The following ATP8A1 variants were observed in gnomAD, a reference collection of about 807,000 sequenced individuals.
ATP8A1 encodes ATPase phospholipid transporting 8A1, also known as phospholipid-transporting ATPase IA.
Under a neutral mutation model 177.7 loss-of-function variants are expected in ATP8A1, and 90 were observed. That is an observed-to-expected ratio of 0.51 (90% CI 0.43 to 0.60). The LOEUF is 0.60. ATP8A1 is among the 20% of genes least tolerant of loss of function. The pLI is 0.00. For missense variants in ATP8A1, 1,072 were observed against 1,392.8 expected (o/e 0.77, Z 3.67); for synonymous variants, 493 against 485.9 (o/e 1.01, Z -0.19).
intron 4 of ATP8A1, among the ~76,000 whole-genome samples, chr4:42,619,435 C>T (rs1272833572): frequency 6.6e-6 from 1 of 152,008 alleles, no homozygotes; most frequent in Non-Finnish European, 1.5e-5. Flanking sequence ...GAGAGTTCTC[C>T]ATCAATTTTA....
intron 14 of ATP8A1, 68 bp from the exon 15 acceptor site, chr4:42,569,273 C>T (rs550032855): frequency 7.8e-7 from 1 of 1,280,392 alleles, no homozygotes; most frequent in African/African-American, 1.5e-5. Context: ...AAACATAAAA[C>T]CACGAAGAAG....
chr4:42,591,058 G>A (rs1392176197), intron 6 of ATP8A1, among the ~76,000 whole-genome samples, 174 bp from the exon 7 acceptor site: 2 of 152,034 alleles, frequency 1.3e-5, no homozygotes, highest in African/African-American at 4.8e-5. Context: ...GATCAGGTCT[G>A]AAGGCATAAG....
At chr4:42,630,808 G>A (rs190083033) in intron 1 of ATP8A1, among the ~76,000 whole-genome samples, 1 of 152,206 alleles carries the variant, frequency 6.6e-6, no homozygotes, top group African/African-American at 2.4e-5. Context: ...AACAGTATTT[G>A]GTAAATGGCA....
chr4:42,648,327 G>A (rs1740749447), intron 1 of ATP8A1, among the ~76,000 whole-genome samples: 1 of 151,774 alleles, frequency 6.6e-6, no homozygotes, highest in Non-Finnish European at 1.5e-5. Context: ...TTGATACCAG[G>A]GGCTAAAAGG....
intron 1 of ATP8A1, among the ~76,000 whole-genome samples, chr4:42,656,570 T>C (rs1013410529): frequency 1.3e-5 from 2 of 152,014 alleles, no homozygotes; most frequent in African/African-American, 4.8e-5. Context: ...TGGGACCTAA[T>C]GGTCACACTG....
intron 22 of ATP8A1, among the ~76,000 whole-genome samples, chr4:42,514,071 A>G (rs1032422682): frequency 6.6e-6 from 1 of 152,190 alleles, no homozygotes; most frequent in Non-Finnish European, 1.5e-5. Context: ...ACTAAGACTA[A>G]GAGCATTAAG....
At chr4:42,616,208 G>GTATACT in intron 4 of ATP8A1, 130 bp from the exon 5 acceptor site, 1 of 764,644 alleles carries the variant, frequency 1.3e-6, no homozygotes, top group Non-Finnish European at 2.1e-6. Flanking sequence ...TCATGTCAAT[G>GTATACT]TTAAAGTATA....
At chr4:42,633,971 G>A (rs1297365061) in intron 1 of ATP8A1, among the ~76,000 whole-genome samples, 1 of 152,188 alleles carries the variant, frequency 6.6e-6, no homozygotes, top group African/African-American at 2.4e-5. Flanking sequence ...GAACATGAGG[G>A]CCACTAACAG....
In ATP8A1 at chr4:42,543,937, G is replaced by A. The variant is rs1422947869; in HGVS notation, c.1702C>T (p.Arg568Ter). The A allele has an allele frequency of 2.5e-6, 4 of 1,612,268 alleles. No homozygotes were observed. The highest frequency in any genetic ancestry group is 3.4e-6 in the Non-Finnish European group (4 of 1,179,198). Residue 568 changes from arginine to a stop codon, truncating the protein, a stop_gained, in exon 20 of 37, where the codon CGA becomes TGA. Transcript: ENST00000381668. LOFTEE classifies it high-confidence loss of function. ...VIVRTPSGKL[R>*]LYCKGADTVI... The stretch of plus-strand genomic sequence containing the variant: ...CTTACAGCTCCTTTGCAGTAGAGTC[G>A]TAACTTTCCAGATGGAGTGCGAACA...
At chr4:42,544,948 T>C (rs1469954722) in intron 19 of ATP8A1, among the ~76,000 whole-genome samples, 1 of 151,914 alleles carries the variant, frequency 6.6e-6, no homozygotes, top group Non-Finnish European at 1.5e-5. Context: ...GATCACAAGG[T>C]CAGGAGTTCG....
intron 1 of ATP8A1, among the ~76,000 whole-genome samples, chr4:42,655,199 TTAC>T (rs1206393076): frequency 1.3e-5 from 2 of 152,222 alleles, no homozygotes; most frequent in African/African-American, 4.8e-5. Context: ...CTTGGGCAAA[TTAC>T]TAAACCATAT....
chr4:42,413,837 ATTGT>A (rs1712910734), intron 36 of ATP8A1, among the ~76,000 whole-genome samples: 1 of 152,220 alleles, frequency 6.6e-6, no homozygotes, highest in Non-Finnish European at 1.5e-5. Flanking sequence ...ATAGACAATT[ATTGT>A]TTGTCAATTT....
rs542796451 is a variant in ATP8A1 at position 42,594,181 on chromosome 4, G to T, written c.451-3297C>A. The T allele has an allele frequency of 8.3e-6, 5 of 605,310 alleles. No homozygotes were observed. In the East Asian group the frequency reaches 1.3e-4, roughly 16 times the overall value. 37.5% of individuals were successfully genotyped at this position (605,310 alleles called of 1,614,324 possible). A position where few individuals can be genotyped will look rare whatever the true frequency, so the allele number is the denominator to read the frequency against. ...ATGTTTAAATAAAAATTATTAGAGA[G>T]GTTTTAAATTCTTCGTTTATTCCTT... On this transcript the variant is annotated intron_variant, in intron 6 of 36. Coordinates refer to ENST00000381668, the MANE Select transcript of ATP8A1 (RefSeq NM_006095.2).
chr4:42,543,018 T>C (rs1728565581), intron 20 of ATP8A1, among the ~76,000 whole-genome samples: 1 of 152,104 alleles, frequency 6.6e-6, no homozygotes, highest in Non-Finnish European at 1.5e-5. Context: ...TGAAAAAATG[T>C]TAGGTGTTTT....
intron 29 of ATP8A1, among the ~76,000 whole-genome samples, chr4:42,454,798 G>A (rs1402973274): frequency 6.6e-6 from 1 of 152,128 alleles, no homozygotes; most frequent in Non-Finnish European, 1.5e-5. Context: ...CCCAGAGACT[G>A]TAATTTTAAT....
chr4:42,655,084 C>G (rs1171318803), intron 1 of ATP8A1, among the ~76,000 whole-genome samples: 1 of 152,204 alleles, frequency 6.6e-6, no homozygotes, highest in Non-Finnish European at 1.5e-5. Context: ...CACTATGGCC[C>G]TGACACTGTG....
chr4:42,444,595 T>C lies in ATP8A1; in HGVS notation c.2998A>G (p.Thr1000Ala). The change falls in exon 32 of 37, where the codon ACA becomes GCA. Residue 1000 changes from threonine to alanine, a missense_variant. Thr to Ala is a moderately conservative substitution (Grantham distance 58). Coordinates refer to ENST00000381668, the MANE Select transcript of ATP8A1 (RefSeq NM_006095.2). ...TTTCTTACCCATGTCCAATATGATGTCTCCAATCCAGCTTTCAAACACACA... is the reference window on the plus strand; with the variant it reads ...TTTCTTACCCATGTCCAATATGATGCCTCCAATCCAGCTTTCAAACACACA... Reference protein sequence around the residue: ...ITVCLKAGLETSYWTWFSHIA... With the variant: ...ITVCLKAGLEASYWTWFSHIA... 6.2e-7 allele frequency: 1 copy of C among 1,613,938 alleles called. No individual in the cohort carries two copies. Among genetic ancestry groups the C allele is most frequent in the Non-Finnish European group, 8.5e-7 (1 of 1,179,920 alleles).
chr4:42,547,808 C>G lies in ATP8A1; in HGVS notation c.1652+1205G>C, dbSNP rs540405922. ...GGCATATGGTCACTCCTAATCAAGA[C>G]AGCAACAAAAGTTGGCACAGAAAGA... On this transcript the variant is annotated intron_variant, in intron 19 of 36. Coordinates refer to ENST00000381668, the MANE Select transcript of ATP8A1 (RefSeq NM_006095.2). Among the ~76,000 whole-genome samples the G allele has an allele frequency of 1.3e-5, 2 of 152,210 alleles. 1 individual carries two copies. The highest frequency in any genetic ancestry group is 4.1e-4 in the South Asian group (2 of 4,834).
At chr4:42,575,722 A>T in intron 12 of ATP8A1, 23 bp from the exon 13 acceptor site, 1 of 1,585,856 alleles carries the variant, frequency 6.3e-7, no homozygotes. Flanking sequence ...TAAGTAAATC[A>T]TTGAACACAA....
Sources: allele counts gnomAD v4.1 joint callset (sites outside exome capture counted in the v4.1 genomes callset), GRCh38; gene constraint gnomAD v4.1.1; transcripts MANE v1.5; gene names NCBI Gene and HGNC (gene_info 2026-07-23, HGNC 2026-07-21).